The following PCDH11Y variants were observed in gnomAD, a reference collection of about 807,000 sequenced individuals.
PCDH11Y encodes protocadherin 11 Y-linked.
For synonymous variants in PCDH11Y, 9 were observed against 83.6 expected, an observed-to-expected ratio of 0.11 and a Z score of 4.87; for missense variants, 12 against 224.8, an observed-to-expected ratio of 0.05 and a Z score of 6.05.
At chrY:5,449,343 A>T (rs1602927441) in intron 2 of PCDH11Y, among the ~76,000 whole-genome samples, 1 of 32,425 alleles carries the variant, frequency 3.1e-5, no homozygotes, top group African/African-American at 1.2e-4. Context: ...TGTAAAATAA[A>T]TTTTTTTTTC....
chrY:5,153,938 G>T, intron 2 of PCDH11Y, among the ~76,000 whole-genome samples: 4 of 23,501 alleles, frequency 1.7e-4, no homozygotes, highest in African/African-American at 6.7e-4. Context: ...GGCAGGAAGG[G>T]AAGATTTTTG....
At chrY:5,109,876 G>A, downstream of PCDH11Y, among the ~76,000 whole-genome samples, 6 of 33,352 alleles carry the variant, frequency 1.8e-4, no homozygotes, top group East Asian at 7.8e-4. Flanking sequence ...TTTTGAAATA[G>A]TTAATTACAT....
chrY:5,259,206 T>C (rs2053015010), intron 2 of PCDH11Y, among the ~76,000 whole-genome samples: 1 of 33,576 alleles, frequency 3.0e-5, no homozygotes, highest in South Asian at 6.5e-4. Flanking sequence ...ACTATGTTTA[T>C]TGTAATCAAC....
intron 2 of PCDH11Y, among the ~76,000 whole-genome samples, chrY:5,414,690 T>G: frequency 3.0e-5 from 1 of 33,359 alleles, no homozygotes; most frequent in African/African-American, 1.2e-4. Flanking sequence ...CTCATATGTG[T>G]GGGCTGATTT....
intron 4 of PCDH11Y, among the ~76,000 whole-genome samples, chrY:5,727,988 C>T: frequency 3.0e-5 from 1 of 32,803 alleles, no homozygotes; most frequent in Non-Finnish European, 7.6e-5. Context: ...ATAAGCTTGC[C>T]ATTTCCAGAA....
At position 5,594,770 on chromosome Y, in the gene PCDH11Y, G is replaced by T. The variant is rs370383369; in HGVS notation, c.3352+12972G>T. Among the ~76,000 whole-genome samples, 153 of 32,419 alleles carry T rather than the reference G, an allele frequency of 4.7e-3. No homozygotes were observed. In the South Asian group the frequency reaches 0.069, roughly 15 times the overall value. The allele number at this position is 32,419 out of a possible 37,273, so 87.0% of individuals were successfully genotyped here. ...GACAGGCCAGCAGACCAAGGGGTGC[G>T]CAGGTTGGACCATCCCCTTCTGATG... On this transcript the variant is annotated intron_variant, in intron 4 of 4. Coordinates refer to the PCDH11Y transcript ENST00000400457.
chrY:5,247,331 A>G, intron 2 of PCDH11Y, among the ~76,000 whole-genome samples: 3 of 33,818 alleles, frequency 8.9e-5, no homozygotes, highest in Non-Finnish European at 2.2e-4. Context: ...ACATGATTCG[A>G]AGTAAAACAC....
At chrY:5,574,037 A>G (rs2053443314) in intron 3 of PCDH11Y, 1 of 215,903 alleles carries the variant, frequency 4.6e-6, no homozygotes, top group African/African-American at 8.1e-5. Flanking sequence ...CAGAGCTGAG[A>G]CGTACAGTCC....
chrY:5,388,143 G>A, intron 2 of PCDH11Y, among the ~76,000 whole-genome samples: 2 of 30,570 alleles, frequency 6.5e-5, no homozygotes, highest in African/African-American at 1.3e-4. Context: ...CCCACCTGTC[G>A]ATTCTGCATA....
chrY:5,058,516 A>T, intron 1 of PCDH11Y, among the ~76,000 whole-genome samples: 1 of 28,149 alleles, frequency 3.6e-5, no homozygotes, highest in African/African-American at 1.4e-4. Flanking sequence ...ACATATAAAT[A>T]AGACATTCTG....
chrY:5,704,692 G>C, intron 4 of PCDH11Y, among the ~76,000 whole-genome samples: 1 of 32,289 alleles, frequency 3.1e-5, no homozygotes, highest in African/African-American at 1.2e-4. Flanking sequence ...GCCTCCCAAA[G>C]TGCTGGGATT....
At chrY:5,229,473 G>A (rs2052965555) in intron 2 of PCDH11Y, among the ~76,000 whole-genome samples, 1 of 30,091 alleles carries the variant, frequency 3.3e-5, no homozygotes, top group Non-Finnish European at 7.9e-5. Flanking sequence ...CCGCCACCGC[G>A]CCCGGCTAAT....
chrY:5,199,238 G>A, intron 2 of PCDH11Y, among the ~76,000 whole-genome samples: 1 of 30,885 alleles, frequency 3.2e-5, no homozygotes, highest in Non-Finnish European at 7.9e-5. Flanking sequence ...ATGGAGACAT[G>A]GCAGGCCTTT....
intron 2 of PCDH11Y, among the ~76,000 whole-genome samples, chrY:5,487,545 T>G: frequency 3.0e-5 from 1 of 33,541 alleles, no homozygotes; most frequent in Admixed American, 2.7e-4. Flanking sequence ...AGAAGGAAAT[T>G]AAGAAATATT....
chrY:5,278,302 C>G (rs2053047201), intron 2 of PCDH11Y, among the ~76,000 whole-genome samples: 1 of 31,206 alleles, frequency 3.2e-5, no homozygotes, highest in Non-Finnish European at 7.8e-5. Context: ...AGGCACCCAC[C>G]ACCACACCCG....
chrY:5,282,848 G>T (rs1602899134), intron 2 of PCDH11Y, among the ~76,000 whole-genome samples: 77 of 33,233 alleles, frequency 2.3e-3, no homozygotes, highest in African/African-American at 8.0e-3. Context: ...GATGGAAGGG[G>T]ATTGAGGAGT....
chrY:5,046,455 G>T, intron 3 of PCDH11Y, among the ~76,000 whole-genome samples: 2 of 33,760 alleles, frequency 5.9e-5, no homozygotes, highest in Admixed American at 2.7e-4. Context: ...CACTTGAGGA[G>T]GCAGTCTGCG....
chrY:5,307,736 T>C, intron 2 of PCDH11Y, among the ~76,000 whole-genome samples: 1 of 33,469 alleles, frequency 3.0e-5, no homozygotes, highest in Non-Finnish European at 7.4e-5. Context: ...TACATTTATC[T>C]AGGAAATATA....
At chrY:5,158,609 G>GT (rs2052871926) in intron 2 of PCDH11Y, among the ~76,000 whole-genome samples, 2 of 27,414 alleles carry the variant, frequency 7.3e-5, no homozygotes, top group Non-Finnish European at 1.7e-4. Flanking sequence ...GCTAATTCAG[G>GT]TAGAAAATAC....
Sources: gnomAD v4.1 joint callset for allele counts (sites outside exome capture counted in the v4.1 genomes callset) on GRCh38, gnomAD v4.1.1 for gene constraint, MANE v1.5 for transcripts, NCBI Gene and HGNC (gene_info 2026-07-23, HGNC 2026-07-21) for gene names.